Variants in C12orf50 observed in about 807,000 individuals in gnomAD.
C12orf50 encodes uncharacterized protein C12orf50.
In C12orf50, 35 loss-of-function variants were observed where a neutral mutation model predicts 61.6. The observed-to-expected ratio is 0.57, with a 90% CI of 0.43 to 0.75. The LOEUF (loss-of-function observed/expected upper bound fraction) is 0.75, where lower values mean the gene tolerates loss of function less well. C12orf50 is among the 30% of genes least tolerant of loss of function. The pLI is 0.00. For synonymous variants in C12orf50, 178 were observed against 161.5 expected, an observed-to-expected ratio of 1.10 and a Z score of -0.77; for missense variants, 475 against 488.5, an observed-to-expected ratio of 0.97 and a Z score of 0.26.
intron 3 of C12orf50, among the ~76,000 whole-genome samples, chr12:88,006,190 A>C (rs770318930): frequency 5.9e-5 from 9 of 152,028 alleles, no homozygotes; most frequent in Non-Finnish European, 8.8e-5. Context: ...TGCTGGGATT[A>C]CAGGCGTGAG....
chr12:88,001,386 C>G (rs548874566), intron 3 of C12orf50, among the ~76,000 whole-genome samples: 4 of 151,452 alleles, frequency 2.6e-5, no homozygotes, highest in African/African-American at 4.8e-5. Context: ...GGAATATAAT[C>G]CCATTTTAAA....
At chr12:88,020,282 C>A (rs1028211210) in intron 3 of C12orf50, among the ~76,000 whole-genome samples, 1 of 152,154 alleles carries the variant, frequency 6.6e-6, no homozygotes, top group African/African-American at 2.4e-5. Flanking sequence ...AACATGCTGT[C>A]TTCAAGACAC....
chr12:87,988,683 G>A (rs1206364522), intron 8 of C12orf50, among the ~76,000 whole-genome samples: 1 of 152,142 alleles, frequency 6.6e-6, no homozygotes, highest in Non-Finnish European at 1.5e-5. Context: ...TAATGGTAGA[G>A]ATGGTAGATA....
intron 3 of C12orf50, among the ~76,000 whole-genome samples, chr12:88,001,531 CTT>C (rs59045776): frequency 2.1e-4 from 29 of 140,000 alleles, no homozygotes; most frequent in East Asian, 8.3e-4. Flanking sequence ...GTTGCATCAT[CTT>C]TTTTTTTTTT....
intron 11 of C12orf50, 35 bp downstream of exon 11, chr12:87,985,815 A>C: frequency 1.2e-6 from 2 of 1,603,924 alleles, no homozygotes; most frequent in Non-Finnish European, 1.7e-6. Flanking sequence ...TGCAAACCAC[A>C]GACAAGAGTA....
chr12:88,012,781 G>T (rs1025550802), intron 3 of C12orf50, among the ~76,000 whole-genome samples: 2 of 152,136 alleles, frequency 1.3e-5, no homozygotes, highest in African/African-American at 4.8e-5. Context: ...TATATGACAT[G>T]GGGAAGGGTG....
intron 12 of C12orf50, among the ~76,000 whole-genome samples, chr12:87,981,063 A>T (rs907139288): frequency 1.3e-5 from 2 of 152,210 alleles, no homozygotes; most frequent in Non-Finnish European, 2.9e-5. Flanking sequence ...AATCAAAAGA[A>T]AATAAGAAAA....
intron 1 of C12orf50, among the ~76,000 whole-genome samples, 175 bp from the exon 2 acceptor site, chr12:88,027,245 T>C (rs2032742823): frequency 6.6e-6 from 1 of 152,218 alleles, no homozygotes; most frequent in African/African-American, 2.4e-5. Context: ...CTAACTTTAG[T>C]GAGAAAGCAA....
chr12:87,988,231 C>G (rs2030935653), intron 8 of C12orf50, among the ~76,000 whole-genome samples: 1 of 152,120 alleles, frequency 6.6e-6, no homozygotes, highest in Non-Finnish European at 1.5e-5. Context: ...TTTTTACTAT[C>G]TCCATACAAA....
rs572165805 is a variant in C12orf50 at position 87,987,661 on chromosome 12, A to T, written c.817+189T>A. ...AAACTAGTGGGAGAGCATATAATTT[A>T]CTAGGACCTACATCACAGCTCATTG... On this transcript the variant is annotated intron_variant, in intron 9 of 12. Transcript: ENST00000298699. Among the ~76,000 whole-genome samples, 6 of 152,330 alleles carry T rather than the reference A, an allele frequency of 3.9e-5. No individual in the cohort carries two copies. In the South Asian group the frequency reaches 1.2e-3, roughly 32 times the overall value.
At chr12:88,008,076 CT>C (rs1389159149) in intron 3 of C12orf50, among the ~76,000 whole-genome samples, 3 of 150,564 alleles carry the variant, frequency 2.0e-5, no homozygotes, top group African/African-American at 7.3e-5. Context: ...TTTATCTTTT[CT>C]TTTCAGTTCA....
chr12:88,017,786 T>A (rs945032445), intron 3 of C12orf50, among the ~76,000 whole-genome samples: 2 of 152,188 alleles, frequency 1.3e-5, no homozygotes, highest in Admixed American at 6.5e-5. Context: ...CTTATTAAGT[T>A]TTAGCAAAGA....
intron 3 of C12orf50, among the ~76,000 whole-genome samples, chr12:88,014,182 G>C (rs1035905711): frequency 2.6e-5 from 4 of 152,156 alleles, no homozygotes; most frequent in African/African-American, 7.2e-5. Context: ...TAGCCCCTCA[G>C]AAGGCAGAAG....
chr12:87,993,288 C>G (rs1014288428), intron 7 of C12orf50, among the ~76,000 whole-genome samples: 1 of 152,008 alleles, frequency 6.6e-6, no homozygotes, highest in Non-Finnish European at 1.5e-5. Context: ...TTAAAAATAA[C>G]CTTTTATTAA....
intron 3 of C12orf50, among the ~76,000 whole-genome samples, chr12:88,007,869 TAATTC>T (rs1419263538): frequency 6.6e-6 from 1 of 152,122 alleles, no homozygotes; most frequent in Non-Finnish European, 1.5e-5. Context: ...ATTGTAATAA[TAATTC>T]AATCCTAAAG....
chr12:87,986,142 A>T, intron 10 of C12orf50, 89 bp from the exon 11 acceptor site: 2 of 1,439,818 alleles, frequency 1.4e-6, no homozygotes, highest in Non-Finnish European at 1.9e-6. Context: ...ACTTCATAGC[A>T]TAATGGAAGC....
intron 1 of C12orf50, among the ~76,000 whole-genome samples, chr12:88,028,254 T>A (rs760966355): frequency 3.3e-5 from 5 of 152,206 alleles, no homozygotes; most frequent in African/African-American, 7.2e-5. Flanking sequence ...TCTGTTATTA[T>A]TCTTTATTAT....
intron 3 of C12orf50, among the ~76,000 whole-genome samples, chr12:88,017,209 A>G (rs577273762): frequency 1.4e-4 from 22 of 152,306 alleles, no homozygotes; most frequent in African/African-American, 5.3e-4. Flanking sequence ...GAACCTGGTG[A>G]GAGGTAATTG....
In C12orf50 at chr12:88,005,232, C is replaced by T. The variant is rs555693025; in HGVS notation, c.134-7042G>A. Among the ~76,000 whole-genome samples, 22 of 152,258 alleles carry T rather than the reference C, an allele frequency of 1.4e-4. No individual in the cohort carries two copies. The South Asian group carries it at 4.6e-3, about 32-fold the overall frequency. On this transcript the variant is annotated intron_variant, in intron 3 of 12. Coordinates refer to ENST00000298699, the MANE Select transcript of C12orf50 (RefSeq NM_152589.3). ...TGAATATTGACTTCTCATCCTAAAC[C>T]TGAAGCTTGTTGTTTGCTTTTTAAT...
Sources: allele counts gnomAD v4.1 joint callset (sites outside exome capture counted in the v4.1 genomes callset), GRCh38; gene constraint gnomAD v4.1.1; transcripts MANE v1.5; gene names NCBI Gene and HGNC (gene_info 2026-07-23, HGNC 2026-07-21).